Variants in MED12L observed in about 807,000 individuals in gnomAD.
MED12L encodes the protein mediator of RNA polymerase II transcription subunit 12-like protein.
Under a neutral mutation model 281.3 loss-of-function variants are expected in MED12L, and 60 were observed. The observed-to-expected ratio is 0.21, with a 90% CI of 0.17 to 0.26. MED12L has a LOEUF of 0.26. MED12L is among the 10% of genes least tolerant of loss of function. The pLI is 1.00. For missense variants in MED12L, 2,146 were observed against 2,680.9 expected (o/e 0.80, Z 4.41); for synonymous variants, 974 against 987.2 (o/e 0.99, Z 0.25).
At chr3:151,179,150 G>T (rs1009566646) in intron 11 of MED12L, among the ~76,000 whole-genome samples, 2 of 152,110 alleles carry the variant, frequency 1.3e-5, no homozygotes, top group Admixed American at 6.6e-5. Context: ...GACCAGTCTG[G>T]CCAACATGGT....
intron 16 of MED12L, chr3:151,338,696 G>T: frequency 6.2e-7 from 1 of 1,613,540 alleles, no homozygotes. Flanking sequence ...GGATTTGAAA[G>T]AAAATCCTCA....
At chr3:151,226,834 C>T (rs181209617) in intron 16 of MED12L, among the ~76,000 whole-genome samples, 7 of 152,216 alleles carry the variant, frequency 4.6e-5, no homozygotes, top group Middle Eastern at 3.4e-3. Flanking sequence ...CTATCTCCTG[C>T]GTTGATATCC....
At chr3:151,130,920 A>G (rs1205127797) in intron 5 of MED12L, among the ~76,000 whole-genome samples, 2 of 152,190 alleles carry the variant, frequency 1.3e-5, no homozygotes, top group African/African-American at 2.4e-5. Context: ...GGACTTCGCT[A>G]GATTTGTTCA....
intron 27 of MED12L, among the ~76,000 whole-genome samples, chr3:151,375,765 A>T (rs1407186205): frequency 6.6e-6 from 1 of 152,174 alleles, no homozygotes; most frequent in Non-Finnish European, 1.5e-5. Context: ...AGTTAAAAAC[A>T]TACTAATATT....
At chr3:151,100,283 A>T (rs1049751443) in intron 2 of MED12L, among the ~76,000 whole-genome samples, 1 of 152,160 alleles carries the variant, frequency 6.6e-6, no homozygotes, top group African/African-American at 2.4e-5. Flanking sequence ...TTCAACCCAC[A>T]TCCAATGTGC....
At chr3:151,272,771 T>C (rs1251945885) in intron 16 of MED12L, among the ~76,000 whole-genome samples, 3 of 152,158 alleles carry the variant, frequency 2.0e-5, no homozygotes, top group Non-Finnish European at 4.4e-5. Flanking sequence ...TGTTAATGGC[T>C]ATAATGTTTT....
At chr3:151,381,259 C>T (rs1712287816) in intron 32 of MED12L, among the ~76,000 whole-genome samples, 1 of 152,164 alleles carries the variant, frequency 6.6e-6, no homozygotes, top group South Asian at 2.1e-4. Context: ...GACAAGGACA[C>T]TTAATCTTAT....
intron 43 of MED12L, among the ~76,000 whole-genome samples, chr3:151,424,233 GAA>G (rs1718595695): frequency 6.6e-6 from 1 of 152,166 alleles, no homozygotes; most frequent in South Asian, 2.1e-4. Context: ...AATATTTATA[GAA>G]AGAGGTTGGG....
At chr3:151,191,428 ATGT>A (rs1430309649) in intron 14 of MED12L, among the ~76,000 whole-genome samples, 1 of 152,192 alleles carries the variant, frequency 6.6e-6, no homozygotes, top group East Asian at 1.9e-4. Context: ...TGTTTCTCAA[ATGT>A]TGTAGAAGTG....
chr3:151,412,810 G>GT (rs1717109326), intron 41 of MED12L, among the ~76,000 whole-genome samples: 1 of 152,190 alleles, frequency 6.6e-6, no homozygotes, highest in Non-Finnish European at 1.5e-5. Flanking sequence ...CTGGTGGGGA[G>GT]TAAATGAAGT....
At chr3:151,308,246 A>C (rs1363330801) in intron 16 of MED12L, among the ~76,000 whole-genome samples, 1 of 152,186 alleles carries the variant, frequency 6.6e-6, no homozygotes, top group East Asian at 1.9e-4. Flanking sequence ...TAAAATTCCT[A>C]CTACTCACAT....
chr3:151,144,119 AAACTGT>A (rs1288821555), intron 5 of MED12L, among the ~76,000 whole-genome samples: 1 of 151,876 alleles, frequency 6.6e-6, no homozygotes, highest in Non-Finnish European at 1.5e-5. Flanking sequence ...GAAGCCCCCG[AAACTGT>A]AGCTGTGGGG....
chr3:151,197,493 C>T (rs1724836846), intron 16 of MED12L, among the ~76,000 whole-genome samples: 1 of 152,122 alleles, frequency 6.6e-6, no homozygotes, highest in South Asian at 2.1e-4. Flanking sequence ...GAGTCAGGCT[C>T]ATCTTTCTGG....
intron 43 of MED12L, among the ~76,000 whole-genome samples, chr3:151,427,818 T>C (rs1409024171): frequency 6.6e-6 from 1 of 152,218 alleles, no homozygotes; most frequent in Non-Finnish European, 1.5e-5. Context: ...AAGGTAACTA[T>C]AGTTAATAAT....
chr3:151,165,989 A>G lies in MED12L; in HGVS notation c.1494+7A>G, dbSNP rs1464329314. 1 of 1,591,258 alleles carries G rather than the reference A, an allele frequency of 6.3e-7. No homozygotes were observed. The highest frequency in any genetic ancestry group is 8.5e-7 in the Non-Finnish European group (1 of 1,171,472). ...AAACAAAGATAACCAAGAGGTAGTT[A>G]ATTTTTTTTTAATTCTTTTCACCTT... On this transcript the variant is annotated splice_region_variant and intron_variant, in intron 11 of 44. Transcript: ENST00000687756.
intron 16 of MED12L, among the ~76,000 whole-genome samples, chr3:151,230,715 TA>T (rs1005092660): frequency 3.3e-5 from 5 of 151,906 alleles, no homozygotes; most frequent in Non-Finnish European, 2.9e-5. Context: ...AAGTCCTTAA[TA>T]AAAAAAAGTA....
intron 41 of MED12L, among the ~76,000 whole-genome samples, chr3:151,412,490 A>G (rs1717063280): frequency 6.6e-6 from 1 of 152,246 alleles, no homozygotes; most frequent in South Asian, 2.1e-4. Context: ...ATAGCAGCAC[A>G]GCTCCCATCT....
chr3:151,385,218 A>G, intron 36 of MED12L, 27 bp downstream of exon 36: 1 of 1,091,528 alleles, frequency 9.2e-7, no homozygotes, highest in Non-Finnish European at 1.3e-6. Context: ...TTTCTTATAT[A>G]TAAATTTATT....
intron 16 of MED12L, among the ~76,000 whole-genome samples, chr3:151,238,110 A>G (rs897920041): frequency 6.6e-5 from 10 of 151,752 alleles, no homozygotes; most frequent in African/African-American, 1.7e-4. Context: ...TTTCTGTCCT[A>G]AAGTTTAGAA....
Sources: gnomAD v4.1 joint callset for allele counts (sites outside exome capture counted in the v4.1 genomes callset) on GRCh38, gnomAD v4.1.1 for gene constraint, MANE v1.5 for transcripts, NCBI Gene and HGNC (gene_info 2026-07-23, HGNC 2026-07-21) for gene names.